SV2B: variants seen among roughly 807,000 people sequenced by gnomAD.
SV2B encodes the protein solute carrier family 22 member B2.
SV2B carries 41 observed loss-of-function variants against 73.9 expected under a neutral mutation model. That is an observed-to-expected ratio of 0.56 (90% CI 0.43 to 0.72). The LOEUF is 0.72. SV2B is among the 30% of genes least tolerant of loss of function. SV2B has a pLI of 0.00. For missense variants in SV2B, 764 were observed against 857.8 expected (o/e 0.89, Z 1.37); for synonymous variants, 314 against 314.2 (o/e 1.00, Z 0.01).
At chr15:91,222,079 C>G (rs765767451) in intron 1 of SV2B, among the ~76,000 whole-genome samples, 1 of 152,202 alleles carries the variant, frequency 6.6e-6, no homozygotes, top group Non-Finnish European at 1.5e-5. Flanking sequence ...GCCTTCCTCT[C>G]CATTGTTTGT....
chr15:91,276,187 A>G (rs2048480798), intron 9 of SV2B, among the ~76,000 whole-genome samples: 1 of 151,600 alleles, frequency 6.6e-6, no homozygotes, highest in Non-Finnish European at 1.5e-5. Flanking sequence ...TGTATGTAAC[A>G]TGATTTTTTT....
intron 1 of SV2B, among the ~76,000 whole-genome samples, chr15:91,102,551 G>A (rs1465315891): frequency 6.6e-6 from 1 of 152,124 alleles, no homozygotes; most frequent in Non-Finnish European, 1.5e-5. Flanking sequence ...TCTATGTGTG[G>A]AGAATACAGA....
At chr15:91,274,209 C>T (rs528373216) in intron 9 of SV2B, among the ~76,000 whole-genome samples, 2 of 152,060 alleles carry the variant, frequency 1.3e-5, no homozygotes, top group Non-Finnish European at 2.9e-5. Flanking sequence ...AGGCTATGTA[C>T]CTAGAAGAGG....
At chr15:91,108,841 G>C (rs899405811) in intron 1 of SV2B, among the ~76,000 whole-genome samples, 6 of 152,154 alleles carry the variant, frequency 3.9e-5, no homozygotes, top group Non-Finnish European at 8.8e-5. Flanking sequence ...TCCTGACTTA[G>C]CAACAAAGAC....
intron 2 of SV2B, among the ~76,000 whole-genome samples, chr15:91,250,624 A>T (rs981318740): frequency 6.6e-6 from 1 of 152,244 alleles, no homozygotes; most frequent in African/African-American, 2.4e-5. Context: ...TAAAGGTGTA[A>T]AATAAGAAAC....
rs1011576428 is a variant in SV2B, at chr15:91,224,532, C to T, written c.-391-1341C>T. On this transcript the variant is annotated intron_variant, in intron 1 of 12. Transcript: ENST00000394232. This position sits in a 1 kb window ranked among gnomAD's most constrained non-coding sequence, Gnocchi z 4.9. ...AGCTTGAAGCAGCCCTTCTTCATTA[C>T]GCTCTGGGAATCTGTATTTTTAAAG... Among the ~76,000 whole-genome samples the T allele has an allele frequency of 6.6e-6, 1 of 152,126 alleles. No homozygotes were observed. The highest frequency in any genetic ancestry group is 2.4e-5 in the African/African-American group (1 of 41,416).
rs2048173798 is a variant in SV2B at position 91,268,292 on chromosome 15, A to G, written c.1209-149A>G. ...TAGTTTTCCCCTTGTATTTATTAAT[A>G]TGAGGATTTATATTGTCAGATTTTC... On this transcript the variant is annotated intron_variant, in intron 8 of 12. Coordinates refer to ENST00000394232, the MANE Select transcript of SV2B (RefSeq NM_001323032.3). This position sits in a 1 kb window ranked among gnomAD's most constrained non-coding sequence, Gnocchi z 4.4. 1.3e-6 allele frequency: 1 copy of G among 767,086 alleles called. No individual in the cohort carries two copies. Among genetic ancestry groups the G allele is most frequent in the Non-Finnish European group, 2.0e-6 (1 of 503,082 alleles). 47.5% of individuals were successfully genotyped at this position (767,086 alleles called of 1,614,324 possible).
chr15:91,246,468 G>A (rs1313173204), intron 2 of SV2B, among the ~76,000 whole-genome samples: 1 of 152,114 alleles, frequency 6.6e-6, no homozygotes, highest in Non-Finnish European at 1.5e-5. Flanking sequence ...GCAAAGATGG[G>A]CACCGAATTT....
At chr15:91,198,842 G>A (rs1241075302) in intron 1 of SV2B, among the ~76,000 whole-genome samples, 2 of 152,196 alleles carry the variant, frequency 1.3e-5, no homozygotes, top group African/African-American at 4.8e-5. Context: ...CAGCTGATCT[G>A]GGGGCAGGGC....
intron 2 of SV2B, among the ~76,000 whole-genome samples, chr15:91,233,273 C>T (rs1239320643): frequency 4.6e-5 from 7 of 152,004 alleles, no homozygotes; most frequent in Non-Finnish European, 1.0e-4. Context: ...TCTGGGTGAC[C>T]GAGTACATGA....
chr15:91,291,837 A>T (rs1215332431), intron 12 of SV2B, among the ~76,000 whole-genome samples: 1 of 152,202 alleles, frequency 6.6e-6, no homozygotes, highest in East Asian at 1.9e-4. Flanking sequence ...GCTTCTTGGG[A>T]ACTGCTGCCA....
At chr15:91,116,978 AG>A (rs2042198984) in intron 1 of SV2B, among the ~76,000 whole-genome samples, 2 of 152,228 alleles carry the variant, frequency 1.3e-5, no homozygotes, top group African/African-American at 4.8e-5. Context: ...CCCATGATTC[AG>A]TTACCTCCCA....
chr15:91,251,505 C>T (rs2047478807), intron 2 of SV2B, among the ~76,000 whole-genome samples: 1 of 152,192 alleles, frequency 6.6e-6, no homozygotes, highest in Non-Finnish European at 1.5e-5. Context: ...CAAAGACTTT[C>T]CTTGCTTAAA....
chr15:91,238,842 A>G (rs1596655269), intron 2 of SV2B, among the ~76,000 whole-genome samples: 1 of 152,226 alleles, frequency 6.6e-6, no homozygotes, highest in East Asian at 1.9e-4. Flanking sequence ...AGAGCAACAG[A>G]GCACAAAGAA....
chr15:91,162,520 A>G (rs1204247021), intron 1 of SV2B, among the ~76,000 whole-genome samples: 1 of 119,288 alleles, frequency 8.4e-6, no homozygotes, highest in Non-Finnish European at 1.7e-5. Flanking sequence ...GAAACATAAG[A>G]TAACACCTAA....
At chr15:91,131,728 C>T (rs1054431408) in intron 1 of SV2B, among the ~76,000 whole-genome samples, 6 of 151,916 alleles carry the variant, frequency 3.9e-5, no homozygotes, top group Admixed American at 1.3e-4. Flanking sequence ...TTTGGGAGGC[C>T]GAGGCAGGCG....
chr15:91,191,517 C>T (rs957634971), intron 1 of SV2B, among the ~76,000 whole-genome samples: 1 of 152,078 alleles, frequency 6.6e-6, no homozygotes, highest in African/African-American at 2.4e-5. Context: ...TAACTAAGTT[C>T]CTCTCAGTAA....
At chr15:91,182,645 C>T (rs761959302) in intron 1 of SV2B, among the ~76,000 whole-genome samples, 14 of 152,116 alleles carry the variant, frequency 9.2e-5, no homozygotes, top group South Asian at 2.1e-4. Flanking sequence ...AGGGCATCTA[C>T]GATGGGTCAG....
chr15:91,149,609 A>C (rs1249727424), intron 1 of SV2B, among the ~76,000 whole-genome samples: 3 of 152,150 alleles, frequency 2.0e-5, no homozygotes, highest in African/African-American at 7.2e-5. Flanking sequence ...TAGTCTCTCC[A>C]TCTTGGACAT....
Sources: allele counts gnomAD v4.1 joint callset (sites outside exome capture counted in the v4.1 genomes callset), GRCh38; gene constraint gnomAD v4.1.1; non-coding constraint Gnocchi (gnomAD v3.1); transcripts MANE v1.5; gene names NCBI Gene and HGNC (gene_info 2026-07-23, HGNC 2026-07-21).